The following ETV5 variants were observed in gnomAD, a reference collection of about 807,000 sequenced individuals.
The protein encoded by ETV5 is ETS translocation variant 5.
A neutral mutation model predicts 70.0 loss-of-function variants in ETV5; 10 were observed. The observed-to-expected ratio is 0.14, with a 90% confidence interval of 0.09 to 0.24. The LOEUF (loss-of-function observed/expected upper bound fraction) is 0.24, where lower values mean the gene tolerates loss of function less well. Ranked by LOEUF, ETV5 falls within the 10% of genes least tolerant of loss-of-function variation. ETV5 has a pLI of 1.00. For synonymous variants in ETV5, 216 were observed against 242.2 expected (o/e 0.89, Z 1.01); for missense variants, 453 against 651.2 (o/e 0.70, Z 3.31).
intron 8 of ETV5, among the ~76,000 whole-genome samples, chr3:186,064,793 A>T (rs1272805594): frequency 1.3e-5 from 2 of 152,276 alleles, no homozygotes; most frequent in African/African-American, 4.8e-5. Context: ...GGGAAAAAAT[A>T]CTGGCTTTCA....
chr3:186,074,825 C>T (rs989704467), intron 7 of ETV5, among the ~76,000 whole-genome samples: 1 of 138,854 alleles, frequency 7.2e-6, no homozygotes, highest in African/African-American at 2.7e-5. Context: ...GGCGCCACTG[C>T]ACTCCAGCCT....
At chr3:186,066,652 G>C (rs1452077689) in intron 7 of ETV5, among the ~76,000 whole-genome samples, 1 of 152,170 alleles carries the variant, frequency 6.6e-6, no homozygotes, top group Non-Finnish European at 1.5e-5. Context: ...AGATTTAAGA[G>C]AATATATTTA....
Position 186,065,855 on chromosome 3 carries a change from T to C in ETV5, c.868A>G (p.Met290Val), listed in dbSNP as rs376850706. Residue 290 changes from methionine to valine, a missense_variant, in exon 8 of 13, where the codon ATG (methionine) becomes GTG (valine). Met to Val is a conservative substitution (Grantham distance 21). Transcript: ENST00000306376. Reference protein sequence around the residue: ...GPPAHGFQSPMGIKQEPRDYC... With the variant: ...GPPAHGFQSPVGIKQEPRDYC... ...TCCCGAGGCTCCTGCTTGATTCCCA[T>C]TGGTGACTGGAACCCGTGTGCTGGG... 2.6e-4 allele frequency: 412 copies of C among 1,614,118 alleles called. No homozygotes were observed. The highest frequency in any genetic ancestry group is 2.9e-4 in the Non-Finnish European group (346 of 1,180,026).
Position 186,105,718 on chromosome 3 carries a change from A to C in ETV5, c.46-6T>G, listed in dbSNP as rs1714571007. On this transcript the variant is annotated splice_polypyrimidine_tract_variant and splice_region_variant and intron_variant, in intron 2 of 12. Transcript: ENST00000306376. This position sits in a 1 kb window ranked among gnomAD's most constrained non-coding sequence, Gnocchi z 4.5. ...CATTCCTCAGATCGAGATTTCTGAAAGAGGCCAACAGAAAGTGAAGGCTCA... is the reference window on the plus strand; with the variant it reads ...CATTCCTCAGATCGAGATTTCTGAACGAGGCCAACAGAAAGTGAAGGCTCA... The C allele has an allele frequency of 6.2e-7, 1 of 1,614,070 alleles. No individual in the cohort carries two copies. The highest frequency in any genetic ancestry group is 1.7e-5 in the Admixed American group (1 of 60,002).
At chr3:186,059,870 TA>T (rs1276550073) in intron 9 of ETV5, among the ~76,000 whole-genome samples, 3 of 152,208 alleles carry the variant, frequency 2.0e-5, no homozygotes, top group African/African-American at 7.2e-5. Context: ...TAGTCTTCAT[TA>T]AAAAATATTT....
At chr3:186,108,780 G>C (rs1212399535) in intron 1 of ETV5, 160 bp downstream of exon 1, 1 of 524,018 alleles carries the variant, frequency 1.9e-6, no homozygotes, top group South Asian at 2.4e-5. Flanking sequence ...ACCGGGCCGC[G>C]GGGGGAGGGG....
At chr3:186,071,923 A>T (rs1048694059) in intron 7 of ETV5, among the ~76,000 whole-genome samples, 1 of 151,528 alleles carries the variant, frequency 6.6e-6, no homozygotes, top group Admixed American at 6.6e-5. Context: ...TCAGCCTCCC[A>T]AGTAGCTGGG....
At chr3:186,077,474 GT>G (rs2150148454) in intron 7 of ETV5, among the ~76,000 whole-genome samples, 1 of 152,228 alleles carries the variant, frequency 6.6e-6, no homozygotes, top group South Asian at 2.1e-4. Flanking sequence ...TCACTGTCAC[GT>G]TTTTGATGCG....
intron 11 of ETV5, among the ~76,000 whole-genome samples, chr3:186,055,940 A>G (rs948717986): frequency 2.6e-5 from 4 of 152,218 alleles, no homozygotes; most frequent in African/African-American, 9.6e-5. Flanking sequence ...TTTAATTTAT[A>G]TGCCTAAGAA....
intron 9 of ETV5, chr3:186,064,075 A>G (rs1366812217): frequency 4.2e-6 from 1 of 239,566 alleles, no homozygotes; most frequent in African/African-American, 2.3e-5. Context: ...GAAATGTGGA[A>G]ATAAGGTGGG....
intron 5 of ETV5, among the ~76,000 whole-genome samples, chr3:186,097,735 A>T (rs932561564): frequency 2.6e-5 from 4 of 152,248 alleles, no homozygotes; most frequent in Non-Finnish European, 4.4e-5. Context: ...CTCAAACCCC[A>T]TTAAGCCCAG....
intron 5 of ETV5, among the ~76,000 whole-genome samples, chr3:186,098,710 C>T (rs1028463762): frequency 4.7e-4 from 71 of 152,178 alleles, no homozygotes; most frequent in Admixed American, 4.5e-3. Flanking sequence ...CGGATGGAGC[C>T]CGTCTGACAA....
In ETV5 at chr3:186,046,669, C is replaced by CAA. The variant is rs151192919; in HGVS notation, c.*1968_*1969dup. 318 of 73,112 alleles carry CAA rather than the reference C, an allele frequency of 4.3e-3. 2 individuals carry two copies. Among genetic ancestry groups the CAA allele is most frequent in the African/African-American group, 8.0e-3 (79 of 9,888 alleles). The allele number at this position is 73,112 out of a possible 1,614,324, so 4.5% of individuals were successfully genotyped here. A position where few individuals can be genotyped will look rare whatever the true frequency, so the allele number is the denominator to read the frequency against. On this transcript the variant is annotated 3_prime_UTR_variant, in exon 13 of 13. Coordinates refer to ENST00000306376, the MANE Select transcript of ETV5 (RefSeq NM_004454.3). Reference sequence around the variant, plus strand: ...ATTGCTAAGACAGCATAAATCCATTCAAAAGAAAAAAAAAAAAAATCCAAA... The same window carrying CAA: ...ATTGCTAAGACAGCATAAATCCATTCAAAAAAGAAAAAAAAAAAAAATCCAAA...
Position 186,057,583 on chromosome 3 carries a change from C to A in ETV5, c.971-92G>T. On this transcript the variant is annotated intron_variant, in intron 9 of 12. Transcript: ENST00000306376. This position sits in a 1 kb window ranked among gnomAD's most constrained non-coding sequence, Gnocchi z 4.9. ...TTTAAGGACTAGAGTGCAATCCTAT[C>A]ATTTCAGATCCTAAGTCCTACTGCT... 9.3e-7 allele frequency: 1 copy of A among 1,076,632 alleles called. No homozygotes were observed. Among genetic ancestry groups the A allele is most frequent in the Non-Finnish European group, 1.4e-6 (1 of 697,662 alleles). The allele number at this position is 1,076,632 out of a possible 1,614,324, so 66.7% of individuals were successfully genotyped here. A position where few individuals can be genotyped will look rare whatever the true frequency, so the allele number is the denominator to read the frequency against.
chr3:186,057,400 A>G lies in ETV5; in HGVS notation c.1039+23T>C. The G allele has an allele frequency of 6.2e-7, 1 of 1,613,864 alleles. No homozygotes were observed. The highest frequency in any genetic ancestry group is 8.5e-7 in the Non-Finnish European group (1 of 1,179,750). ...CACCTCCAAACCTCTACCTGGCAAC[A>G]AACCTTGGATGGGGCTACTTACCTT... On this transcript the variant is annotated intron_variant, in intron 10 of 12. Transcript: ENST00000306376. The surrounding 1 kb of genome is among the most constrained non-coding windows in gnomAD (Gnocchi z 4.9).
intron 7 of ETV5, among the ~76,000 whole-genome samples, chr3:186,077,315 A>T (rs1713820169): frequency 6.6e-6 from 1 of 152,222 alleles, no homozygotes; most frequent in Non-Finnish European, 1.5e-5. Flanking sequence ...AATCTGCCCC[A>T]CTTTTGGGCA....
intron 7 of ETV5, among the ~76,000 whole-genome samples, chr3:186,074,398 A>T (rs1283185357): frequency 2.0e-5 from 3 of 152,236 alleles, no homozygotes; most frequent in Non-Finnish European, 4.4e-5. Context: ...CAAAAAGTTC[A>T]AGGAATAAAG....
chr3:186,067,061 G>C (rs543950962), intron 7 of ETV5, among the ~76,000 whole-genome samples: 3 of 152,276 alleles, frequency 2.0e-5, no homozygotes, highest in Admixed American at 2.0e-4. Flanking sequence ...TTGGGAGGCT[G>C]AGGCGGGCAG....
Position 186,069,616 on chromosome 3 carries a change from C to A in ETV5, c.651-3544G>T, listed in dbSNP as rs575259634. ...GTGACTCGATCTCAGCTCACCGCAA[C>A]CTCCGCCTCCCGGGATCAAGTGGTT... On this transcript the variant is annotated intron_variant, in intron 7 of 12. Transcript: ENST00000306376. 2.2e-4 allele frequency among the ~76,000 whole-genome samples: 33 copies of A among 151,858 alleles called. 1 individual carries two copies. The highest frequency in any genetic ancestry group is 2.0e-3 in the Admixed American group (31 of 15,242).
Sources: gnomAD v4.1 joint callset for allele counts (sites outside exome capture counted in the v4.1 genomes callset) on GRCh38, gnomAD v4.1.1 for gene constraint, Gnocchi (gnomAD v3.1) non-coding constraint, MANE v1.5 for transcripts, NCBI Gene and HGNC (gene_info 2026-07-23, HGNC 2026-07-21) for gene names.